PPFIBP2: variants seen among roughly 807,000 people sequenced by gnomAD.
PPFIBP2 encodes liprin-beta-2.
PPFIBP2 carries 118 observed loss-of-function variants against 118.3 expected under a neutral mutation model. The observed-to-expected ratio is 1.00, with a 90% CI of 0.86 to 1.16. PPFIBP2 has a LOEUF of 1.16. Ranked by LOEUF, PPFIBP2 falls within the 50% of genes most tolerant of loss-of-function variation. The probability of loss-of-function intolerance (pLI) is 0.00; values close to 1 mark genes in which losing one functional copy is unlikely to be tolerated. For synonymous variants in PPFIBP2, 414 were observed against 397.4 expected, an observed-to-expected ratio of 1.04 and a Z score of -0.50; for missense variants, 1,195 against 1,073.1, an observed-to-expected ratio of 1.11 and a Z score of -1.59.
Position 7,593,191 on chromosome 11 carries a change from T to C in PPFIBP2, c.339T>C (p.Arg113=), listed in dbSNP as rs751742237. The C allele has an allele frequency of 6.2e-7, 1 of 1,614,074 alleles. No homozygotes were observed. Among genetic ancestry groups the C allele is most frequent in the Admixed American group, 1.7e-5 (1 of 60,020 alleles). Residue 113 remains arginine, a synonymous_variant, in exon 4 of 24, where the codon CGT becomes CGC. Transcript: ENST00000299492. ...SNETYQERLA[R]LEGDKESLIL... ...AAACCTACCAGGAACGCTTGGCACGTCTAGAAGGGGATAAGGAGTCCCTCA... is the reference window on the plus strand; with the variant it reads ...AAACCTACCAGGAACGCTTGGCACGCCTAGAAGGGGATAAGGAGTCCCTCA...
intron 1 of PPFIBP2, among the ~76,000 whole-genome samples, chr11:7,534,303 A>T (rs1851007240): frequency 6.6e-6 from 1 of 152,242 alleles, no homozygotes; most frequent in African/African-American, 2.4e-5. Flanking sequence ...AGAAATAGAA[A>T]TAGTAAAATG....
At position 7,620,916 on chromosome 11, in the gene PPFIBP2, T is replaced by G. The variant is rs182769375; in HGVS notation, c.619-19T>G. ...ATCTTTTAACCATCAGAACTTTGTC[T>G]TTCTCCCTCATCCCCTAGGAGTTAC... On this transcript the variant is annotated intron_variant, in intron 6 of 23. Coordinates refer to ENST00000299492, the MANE Select transcript of PPFIBP2 (RefSeq NM_003621.5). 726 of 1,561,082 alleles carry G rather than the reference T, an allele frequency of 4.7e-4. 3 individuals are homozygous for G. In the African/African-American group the frequency reaches 7.7e-3, roughly 17 times the overall value.
At position 7,567,576 on chromosome 11, in the gene PPFIBP2, A is replaced by C. The variant is rs1023258006; in HGVS notation, c.279+1809A>C. Among the ~76,000 whole-genome samples the C allele has an allele frequency of 2.0e-5, 3 of 152,316 alleles. No individual in the cohort carries two copies. In the Middle Eastern group the frequency reaches 0.01, roughly 518 times the overall value. On this transcript the variant is annotated intron_variant, in intron 3 of 23. Transcript: ENST00000299492. ...GTCAGAAGTTCATATAAACATTCCAAGTTGTAAGGGCTGCATGTTAAGGTT... is the reference window on the plus strand; with the variant it reads ...GTCAGAAGTTCATATAAACATTCCACGTTGTAAGGGCTGCATGTTAAGGTT...
chr11:7,659,098 G>A (rs1392028662), downstream of PPFIBP2, among the ~76,000 whole-genome samples: 4 of 148,332 alleles, frequency 2.7e-5, no homozygotes, highest in African/African-American at 1.0e-4. Context: ...TAGGTTGCCT[G>A]TTCACTCTGA....
chr11:7,647,695 C>T (rs1344861613), intron 17 of PPFIBP2, among the ~76,000 whole-genome samples: 1 of 152,218 alleles, frequency 6.6e-6, no homozygotes, highest in Non-Finnish European at 1.5e-5. Context: ...GGCCACCTCA[C>T]TGAGCTTTCT....
chr11:7,642,339 T>G lies in PPFIBP2; in HGVS notation c.1559T>G (p.Leu520Arg). ...TQSGNFYTDT[L>R]GMAEFRRGGL... ...TCAGGAAATTTCTACACTGACACGC[T>G]GGGGATGGCAGAGTTTCGACGAGGT... The change falls in exon 17 of 24, where the codon CTG (leucine) becomes CGG (arginine). Residue 520 changes from leucine to arginine, a missense_variant. Leu to Arg is a moderately radical substitution (Grantham distance 102). Transcript: ENST00000299492. 1 of 1,614,146 alleles carries G rather than the reference T, an allele frequency of 6.2e-7. No individual in the cohort carries two copies. Among genetic ancestry groups the G allele is most frequent in the Non-Finnish European group, 8.5e-7 (1 of 1,180,006 alleles).
chr11:7,617,335 G>C (rs1848778135), intron 6 of PPFIBP2: 1 of 982,114 alleles, frequency 1.0e-6, no homozygotes, highest in Non-Finnish European at 1.2e-6. Context: ...TGCGTGTGTG[G>C]GGCATTTCAC....
chr11:7,616,979 C>T lies in PPFIBP2; in HGVS notation c.619-3956C>T, dbSNP rs1171421987. 5 of 292,014 alleles carry T rather than the reference C, an allele frequency of 1.7e-5. No homozygotes were observed. The highest frequency in any genetic ancestry group is 2.3e-5 in the African/African-American group (1 of 43,966). The allele number at this position is 292,014 out of a possible 1,614,324, so 18.1% of individuals were successfully genotyped here. A position where few individuals can be genotyped will look rare whatever the true frequency, so the allele number is the denominator to read the frequency against. On this transcript the variant is annotated intron_variant, in intron 6 of 23. Transcript: ENST00000299492. This position sits in a 1 kb window ranked among gnomAD's most constrained non-coding sequence, Gnocchi z 5.2. ...TCTGTTGTGGAAAGTGGAGGGCCGT[C>T]GACAGTGACCACTGAGTGCCACCTG...
Position 7,529,705 on chromosome 11 carries a change from C to T in PPFIBP2, c.-37+15584C>T, listed in dbSNP as rs998988064. ...TGAGGCCTCCCAAAATCCATTTCCC[C>T]AGCGGTGTCTTCTCTGTCAGGTACC... On this transcript the variant is annotated intron_variant, in intron 1 of 23. Transcript: ENST00000299492. Among the ~76,000 whole-genome samples the T allele has an allele frequency of 2.6e-5, 4 of 152,230 alleles. 1 individual carries two copies. The highest frequency in any genetic ancestry group is 5.9e-5 in the Non-Finnish European group (4 of 68,044).
chr11:7,604,789 C>A (rs949599087), intron 5 of PPFIBP2, among the ~76,000 whole-genome samples: 1 of 152,160 alleles, frequency 6.6e-6, no homozygotes, highest in African/African-American at 2.4e-5. Context: ...TGGCCCTAAC[C>A]TAGAGTAGCA....
chr11:7,607,686 C>A (rs967969096), intron 5 of PPFIBP2, among the ~76,000 whole-genome samples: 1 of 151,752 alleles, frequency 6.6e-6, no homozygotes. Flanking sequence ...AGTCTGAAGA[C>A]ATTTTCTTGT....
chr11:7,556,641 T>G (rs1211343051), intron 2 of PPFIBP2, among the ~76,000 whole-genome samples: 2 of 152,238 alleles, frequency 1.3e-5, no homozygotes, highest in African/African-American at 2.4e-5. Context: ...CCTGCTTTTT[T>G]TGCATGATAG....
intron 23 of PPFIBP2, among the ~76,000 whole-genome samples, chr11:7,652,221 C>G (rs1854145644): frequency 6.6e-6 from 1 of 152,226 alleles, no homozygotes; most frequent in Non-Finnish European, 1.5e-5. Context: ...GGATCTTGGT[C>G]AAAGCTGTCC....
chr11:7,520,168 A>G (rs1322988895), intron 1 of PPFIBP2, among the ~76,000 whole-genome samples: 1 of 152,246 alleles, frequency 6.6e-6, no homozygotes, highest in African/African-American at 2.4e-5. Flanking sequence ...GGGTGCAGGC[A>G]GGCTGAGGCC....
chr11:7,562,929 TTATATA>T (rs60848890), intron 2 of PPFIBP2, among the ~76,000 whole-genome samples: 2,815 of 85,688 alleles, frequency 0.033, 111 homozygotes, highest in Non-Finnish European at 0.048. Context: ...AATTAAAGTT[TTATATA>T]TATATATATA....
At chr11:7,588,835 G>A (rs1565012219) in intron 3 of PPFIBP2, among the ~76,000 whole-genome samples, 1 of 152,184 alleles carries the variant, frequency 6.6e-6, no homozygotes, top group Non-Finnish European at 1.5e-5. Context: ...AGAAGCCCTT[G>A]TCTTGATTCA....
chr11:7,537,346 C>A (rs74683603), intron 1 of PPFIBP2, among the ~76,000 whole-genome samples: 1 of 152,104 alleles, frequency 6.6e-6, no homozygotes, highest in Non-Finnish European at 1.5e-5. Flanking sequence ...TTTTCCCCCC[C>A]ACAGAGGCAG....
chr11:7,618,954 A>G (rs991066369), intron 6 of PPFIBP2, among the ~76,000 whole-genome samples: 1 of 150,426 alleles, frequency 6.6e-6, no homozygotes, highest in South Asian at 2.1e-4. Context: ...CTAGAAGGCA[A>G]TCTTAAAAAA....
chr11:7,569,894 G>A (rs28444896), intron 3 of PPFIBP2, among the ~76,000 whole-genome samples: 9,943 of 152,200 alleles, frequency 0.065, 1,053 homozygotes, highest in African/African-American at 0.23. Flanking sequence ...TGATGCCCTC[G>A]GGAGGGTGTG....
Sources: allele counts gnomAD v4.1 joint callset (sites outside exome capture counted in the v4.1 genomes callset), GRCh38; gene constraint gnomAD v4.1.1; non-coding constraint Gnocchi (gnomAD v3.1); transcripts MANE v1.5; gene names NCBI Gene and HGNC (gene_info 2026-07-23, HGNC 2026-07-21).